Variants in DPF3 observed in about 807,000 individuals in gnomAD.
DPF3 encodes zinc finger protein DPF3.
A neutral mutation model predicts 56.8 loss-of-function variants in DPF3; 18 were observed. That is an observed-to-expected ratio of 0.32 (90% CI 0.22 to 0.47). DPF3 has a LOEUF of 0.47. Ranked by LOEUF, DPF3 falls within the 20% of genes least tolerant of loss-of-function variation. DPF3 has a pLI of 1.00. For missense variants in DPF3, 403 were observed against 488.8 expected, an observed-to-expected ratio of 0.82 and a Z score of 1.65; for synonymous variants, 188 against 180.2, an observed-to-expected ratio of 1.04 and a Z score of -0.35.
chr14:72,625,702 A>T (rs1884783019), intron 9 of DPF3, among the ~76,000 whole-genome samples: 1 of 152,206 alleles, frequency 6.6e-6, no homozygotes, highest in South Asian at 2.1e-4. Context: ...CTGTCTATTA[A>T]TATATGTGTA....
chr14:72,855,560 CACCTGGTGGAAG>C (rs1175678542), intron 1 of DPF3, among the ~76,000 whole-genome samples: 3 of 152,192 alleles, frequency 2.0e-5, no homozygotes, highest in Admixed American at 1.3e-4. Flanking sequence ...AAGGTTCAAC[CACCTGGTGGAAG>C]ACATAGAACG....
chr14:72,653,766 C>T (rs1311379516), intron 8 of DPF3, among the ~76,000 whole-genome samples: 2 of 152,180 alleles, frequency 1.3e-5, no homozygotes, highest in South Asian at 2.1e-4. Context: ...AAATGCATTA[C>T]CACCCAGCAG....
chr14:72,652,932 C>T (rs865914733), intron 8 of DPF3, among the ~76,000 whole-genome samples: 1 of 152,162 alleles, frequency 6.6e-6, no homozygotes, highest in Non-Finnish European at 1.5e-5. Context: ...AATGTGAAGG[C>T]TCACATCCAA....
At chr14:72,624,324 C>T (rs1255718978) in intron 9 of DPF3, among the ~76,000 whole-genome samples, 1 of 142,406 alleles carries the variant, frequency 7.0e-6, no homozygotes, top group African/African-American at 2.6e-5. Flanking sequence ...AGTTTTCCCA[C>T]CTATGTCTCT....
intron 1 of DPF3, among the ~76,000 whole-genome samples, chr14:72,787,136 G>A (rs1215836817): frequency 3.9e-5 from 6 of 152,240 alleles, no homozygotes; most frequent in African/African-American, 1.2e-4. Context: ...GGAAGAGACT[G>A]TCTTTATGGC....
At chr14:72,786,027 C>T (rs1009455754) in intron 1 of DPF3, among the ~76,000 whole-genome samples, 5 of 152,092 alleles carry the variant, frequency 3.3e-5, no homozygotes, top group African/African-American at 7.2e-5. Flanking sequence ...TTTGGGAAGC[C>T]GAGGCGGGTG....
At chr14:72,776,167 A>C (rs1891736711) in intron 1 of DPF3, among the ~76,000 whole-genome samples, 1 of 152,130 alleles carries the variant, frequency 6.6e-6, no homozygotes, top group African/African-American at 2.4e-5. Flanking sequence ...GCATGCACCA[A>C]ACTGAGGGGG....
intron 1 of DPF3, among the ~76,000 whole-genome samples, chr14:72,851,088 A>G (rs1318513544): frequency 2.0e-5 from 3 of 152,162 alleles, no homozygotes; most frequent in Non-Finnish European, 4.4e-5. Context: ...ATGGTCTCTA[A>G]AGACCTGTGC....
At chr14:72,638,998 T>C (rs1469258810) in intron 8 of DPF3, among the ~76,000 whole-genome samples, 2 of 152,088 alleles carry the variant, frequency 1.3e-5, no homozygotes, top group African/African-American at 4.8e-5. Flanking sequence ...TTGTATTTTT[T>C]AGTAGAGACG....
intron 6 of DPF3, among the ~76,000 whole-genome samples, chr14:72,704,977 T>G (rs1466105257): frequency 6.6e-6 from 1 of 152,194 alleles, no homozygotes; most frequent in African/African-American, 2.4e-5. Flanking sequence ...GAACACCGAA[T>G]CCTACAGATC....
chr14:72,706,229 G>C (rs988501249), intron 6 of DPF3, among the ~76,000 whole-genome samples: 1 of 152,106 alleles, frequency 6.6e-6, no homozygotes, highest in East Asian at 1.9e-4. Flanking sequence ...CACCCCTGGG[G>C]GCCAATATCA....
intron 1 of DPF3, among the ~76,000 whole-genome samples, chr14:72,827,572 T>C (rs1883868363): frequency 7.0e-6 from 1 of 143,174 alleles, no homozygotes; most frequent in African/African-American, 2.7e-5. Context: ...GCCTCCCAAG[T>C]TCAAGCGATT....
At chr14:72,731,685 G>A (rs755598909) in intron 4 of DPF3, 122 bp downstream of exon 4, 43 of 1,349,344 alleles carry the variant, frequency 3.2e-5, no homozygotes, top group Admixed American at 4.8e-5. Context: ...ATAGAAACAA[G>A]GCAGTCTGAG....
At chr14:72,626,874 T>C (rs1043117994) in intron 9 of DPF3, among the ~76,000 whole-genome samples, 1 of 152,030 alleles carries the variant, frequency 6.6e-6, no homozygotes, top group South Asian at 2.1e-4. Context: ...GCCCATCTGA[T>C]AAGTAAGAAA....
chr14:72,744,476 G>A (rs1378303504), intron 3 of DPF3, among the ~76,000 whole-genome samples: 1 of 151,502 alleles, frequency 6.6e-6, no homozygotes, highest in Non-Finnish European at 1.5e-5. Flanking sequence ...TTCTTGCCAT[G>A]TCACCCAGGC....
intron 3 of DPF3, among the ~76,000 whole-genome samples, chr14:72,742,966 T>C (rs993408898): frequency 6.6e-6 from 1 of 152,154 alleles, no homozygotes; most frequent in African/African-American, 2.4e-5. Flanking sequence ...GACTTGCTTG[T>C]TGGCCAGCCT....
intron 1 of DPF3, among the ~76,000 whole-genome samples, chr14:72,891,580 T>C (rs565945366): frequency 2.6e-5 from 4 of 152,196 alleles, no homozygotes; most frequent in Non-Finnish European, 4.4e-5. Flanking sequence ...AAATGAAATA[T>C]ATAAGATGTT....
intron 4 of DPF3, among the ~76,000 whole-genome samples, chr14:72,726,224 C>A (rs1889402042): frequency 6.6e-6 from 1 of 152,198 alleles, no homozygotes; most frequent in Non-Finnish European, 1.5e-5. Context: ...CTTTCCAGGT[C>A]TTGAAGTCAC....
Position 72,612,269 on chromosome 14 carries a change from G to T in DPF3, c.*7028C>A, listed in dbSNP as rs920649402. 6.6e-6 allele frequency among the ~76,000 whole-genome samples: 1 copy of T among 152,134 alleles called. No individual in the cohort carries two copies. Among genetic ancestry groups the T allele is most frequent in the African/African-American group, 2.4e-5 (1 of 41,434 alleles). ...TTCATTGCAAAAGCATGACCCATCT[G>T]CTTTCCCAAATGCCATGTGGACCAG... On this transcript the variant is annotated 3_prime_UTR_variant, in exon 11 of 11. Transcript: ENST00000556509.
Sources: allele counts gnomAD v4.1 joint callset (sites outside exome capture counted in the v4.1 genomes callset), GRCh38; gene constraint gnomAD v4.1.1; transcripts MANE v1.5; gene names NCBI Gene and HGNC (gene_info 2026-07-23, HGNC 2026-07-21).